Variants in QKI observed in about 807,000 individuals in gnomAD.
QKI encodes KH domain-containing RNA-binding protein QKI.
Under a neutral mutation model 39.0 loss-of-function variants are expected in QKI, and 10 were observed. The observed-to-expected ratio is 0.26, with a 90% CI of 0.16 to 0.43. The LOEUF (loss-of-function observed/expected upper bound fraction) is 0.43, where lower values mean the gene tolerates loss of function less well. Among genes scored for constraint, QKI ranks in the 20% least tolerant of loss-of-function variants. The probability of loss-of-function intolerance (pLI) is 1.00; values close to 1 mark genes in which losing one functional copy is unlikely to be tolerated. For missense variants in QKI, 218 were observed against 428.0 expected (o/e 0.51, Z 4.33); for synonymous variants, 204 against 155.4 (o/e 1.31, Z -2.33).
At chr6:163,565,203 C>T in intron 6 of QKI, 1 of 989,920 alleles carries the variant, frequency 1.0e-6, no homozygotes, top group African/African-American at 1.7e-5. Flanking sequence ...AACATGTAAC[C>T]TGTAACCTTG....
chr6:163,564,605 G>A (rs967297851), intron 6 of QKI: 2 of 1,612,272 alleles, frequency 1.2e-6, no homozygotes, highest in Non-Finnish European at 1.7e-6. Context: ...TAAACGCTTG[G>A]TTTTACATGA....
intron 1 of QKI, among the ~76,000 whole-genome samples, chr6:163,427,233 A>T (rs1582963904): frequency 8.3e-6 from 1 of 120,504 alleles, no homozygotes; most frequent in African/African-American, 3.0e-5. Context: ...TGTTAATTTT[A>T]TACTCGTACC....
intron 4 of QKI, among the ~76,000 whole-genome samples, chr6:163,547,647 T>C (rs1781970514): frequency 6.6e-6 from 1 of 152,128 alleles, no homozygotes; most frequent in South Asian, 2.1e-4. Flanking sequence ...GTTTTCTCTG[T>C]AGAATGATAC....
chr6:163,550,515 A>T (rs368704413), intron 4 of QKI, among the ~76,000 whole-genome samples: 1 of 152,192 alleles, frequency 6.6e-6, no homozygotes, highest in Non-Finnish European at 1.5e-5. Context: ...CTATTATTAT[A>T]AAACTGAGTT....
At chr6:163,429,228 T>A (rs533580742) in intron 1 of QKI, among the ~76,000 whole-genome samples, 7 of 152,318 alleles carry the variant, frequency 4.6e-5, no homozygotes, top group Admixed American at 1.3e-4. Context: ...AGAACTGTTA[T>A]AAAGAACTTA....
chr6:163,552,710 G>A (rs954075876), intron 4 of QKI, among the ~76,000 whole-genome samples: 4 of 152,154 alleles, frequency 2.6e-5, no homozygotes, highest in African/African-American at 9.7e-5. Context: ...TATAGTTACC[G>A]TAAGATTCTT....
chr6:163,540,720 C>T (rs1002134297), intron 4 of QKI, among the ~76,000 whole-genome samples: 2 of 152,018 alleles, frequency 1.3e-5, no homozygotes, highest in Non-Finnish European at 2.9e-5. Flanking sequence ...GAAAATGACA[C>T]CAGTTTAGTT....
chr6:163,496,157 T>TA (rs1778391445), intron 3 of QKI, among the ~76,000 whole-genome samples: 1 of 152,214 alleles, frequency 6.6e-6, no homozygotes, highest in Admixed American at 6.5e-5. Flanking sequence ...CCCATTCGTT[T>TA]GCTGATTTTA....
chr6:163,507,649 T>G (rs1779182507), intron 3 of QKI, among the ~76,000 whole-genome samples: 1 of 152,196 alleles, frequency 6.6e-6, no homozygotes, highest in African/African-American at 2.4e-5. Context: ...CATCTAAAGA[T>G]GTGAACTAAG....
At chr6:163,436,650 C>G (rs1362415264) in intron 1 of QKI, among the ~76,000 whole-genome samples, 1 of 151,908 alleles carries the variant, frequency 6.6e-6, no homozygotes, top group East Asian at 1.9e-4. Context: ...TCCATCTCTA[C>G]TAAAACTACA....
chr6:163,569,304 A>T (rs778542748), intron 7 of QKI: 85 of 1,040,592 alleles, frequency 8.2e-5, no homozygotes, highest in Non-Finnish European at 9.4e-5. Context: ...CATTTTTGTC[A>T]TATGAAGGTA....
In QKI at chr6:163,577,797, T is replaced by G. The variant is rs1446420763; in HGVS notation, c.*7087T>G. On this transcript the variant is annotated 3_prime_UTR_variant, in exon 8 of 8. Coordinates refer to ENST00000361752, the MANE Select transcript of QKI (RefSeq NM_006775.3). ...CCTCCTGAAAAATCAGATGAATATT[T>G]TAGTCACTGTTACTCATGCACATTG... 1 of 152,196 alleles carries G rather than the reference T, an allele frequency of 6.6e-6. No individual in the cohort carries two copies. Among genetic ancestry groups the G allele is most frequent in the Admixed American group, 6.5e-5 (1 of 15,276 alleles). The allele number at this position is 152,196 out of a possible 1,614,324, so 9.4% of individuals were successfully genotyped here.
chr6:163,561,604 T>C (rs1303971022), intron 4 of QKI, among the ~76,000 whole-genome samples: 1 of 152,174 alleles, frequency 6.6e-6, no homozygotes, highest in East Asian at 1.9e-4. Context: ...CAAGACCCTG[T>C]ATCTAAAAAC....
chr6:163,568,355 A>G (rs1335442812), intron 7 of QKI: 1 of 985,400 alleles, frequency 1.0e-6, no homozygotes, highest in African/African-American at 1.7e-5. Context: ...CAGTGCCTTG[A>G]GATAGTTGGA....
chr6:163,561,067 G>A (rs1470669959), intron 4 of QKI, among the ~76,000 whole-genome samples: 5 of 152,186 alleles, frequency 3.3e-5, no homozygotes, highest in Non-Finnish European at 7.3e-5. Flanking sequence ...CTGTAGCATT[G>A]ATAGCACTTG....
At chr6:163,459,651 G>A (rs1240728538) in intron 2 of QKI, among the ~76,000 whole-genome samples, 1 of 152,154 alleles carries the variant, frequency 6.6e-6, no homozygotes, top group Admixed American at 6.6e-5. Flanking sequence ...GAAGTTATAA[G>A]GTTCACTTCA....
intron 4 of QKI, among the ~76,000 whole-genome samples, chr6:163,554,450 C>T (rs1433594216): frequency 6.6e-6 from 1 of 152,156 alleles, no homozygotes; most frequent in Non-Finnish European, 1.5e-5. Context: ...TAGTAACTGC[C>T]ACATCATCTT....
chr6:163,508,516 C>CTT, intron 3 of QKI, among the ~76,000 whole-genome samples: 1 of 42,290 alleles, frequency 2.4e-5, no homozygotes, highest in Non-Finnish European at 4.4e-5. Flanking sequence ...TTCTTTCTTT[C>CTT]TTTCTTTCTT....
chr6:163,555,100 A>G (rs1782502492), intron 4 of QKI, among the ~76,000 whole-genome samples: 2 of 152,158 alleles, frequency 1.3e-5, no homozygotes, highest in African/African-American at 4.8e-5. Flanking sequence ...TTATTCTTCA[A>G]TTAAATTAGT....
Sources: allele counts gnomAD v4.1 joint callset (sites outside exome capture counted in the v4.1 genomes callset), GRCh38; gene constraint gnomAD v4.1.1; transcripts MANE v1.5; gene names NCBI Gene and HGNC (gene_info 2026-07-23, HGNC 2026-07-21).